Variants in SGCD observed in about 807,000 individuals in gnomAD.
The protein encoded by SGCD is sarcoglycan delta, also known as delta-sarcoglycan.
A neutral mutation model predicts 36.6 loss-of-function variants in SGCD; 18 were observed. That is an observed-to-expected ratio of 0.49 (90% CI 0.34 to 0.73). SGCD has a LOEUF of 0.73. SGCD is among the 30% of genes least tolerant of loss of function. SGCD has a pLI of 0.01. For synonymous variants in SGCD, 133 were observed against 130.6 expected, an observed-to-expected ratio of 1.02 and a Z score of -0.12; for missense variants, 387 against 346.7, an observed-to-expected ratio of 1.12 and a Z score of -0.92.
chr5:156,141,142 G>A (rs1762569686), intron 3 of SGCD, among the ~76,000 whole-genome samples: 2 of 152,222 alleles, frequency 1.3e-5, no homozygotes, highest in Non-Finnish European at 1.5e-5. Flanking sequence ...TGGAGTACAT[G>A]TAAGTGAAGG....
chr5:155,755,186 A>G, the SGCD span, among the ~76,000 whole-genome samples: 1 of 152,326 alleles, frequency 6.6e-6, no homozygotes, highest in South Asian at 2.1e-4. Flanking sequence ...TATTAACTTT[A>G]ATTTACTGAA....
At chr5:156,035,974 T>G (rs992563) in intron 1 of SGCD, among the ~76,000 whole-genome samples, 3 of 152,026 alleles carry the variant, frequency 2.0e-5, no homozygotes, top group Non-Finnish European at 4.4e-5. Context: ...TATCACAGCT[T>G]TATAGTTATA....
upstream of SGCD, among the ~76,000 whole-genome samples, chr5:156,326,417 G>A (rs1767817080): frequency 6.6e-6 from 1 of 152,088 alleles, no homozygotes; most frequent in Non-Finnish European, 1.5e-5. Context: ...TACATTTTTG[G>A]ACCAGCACTG....
At chr5:156,160,713 AT>A (rs141698850) in intron 3 of SGCD, among the ~76,000 whole-genome samples, 5 of 150,566 alleles carry the variant, frequency 3.3e-5, no homozygotes, top group Admixed American at 1.3e-4. Context: ...TAAGTTTCTG[AT>A]TTTTTTTTGC....
intron 3 of SGCD, among the ~76,000 whole-genome samples, chr5:156,416,103 GA>G (rs1773014885): frequency 6.6e-6 from 1 of 152,056 alleles, no homozygotes; most frequent in Admixed American, 6.6e-5. Context: ...AACTATGCTG[GA>G]CAAATGTCTG....
chr5:156,215,213 A>T (rs748085534), intron 3 of SGCD, among the ~76,000 whole-genome samples: 1 of 152,110 alleles, frequency 6.6e-6, no homozygotes, highest in Non-Finnish European at 1.5e-5. Context: ...AGCATTTCAG[A>T]TAAGGGATAT....
At chr5:156,494,377 G>C (rs1261700451) in intron 3 of SGCD, among the ~76,000 whole-genome samples, 1 of 146,782 alleles carries the variant, frequency 6.8e-6, no homozygotes, top group Non-Finnish European at 1.5e-5. Context: ...CACACCTATG[G>C]TTTGAACTTT....
intron 1 of SGCD, among the ~76,000 whole-genome samples, chr5:155,964,980 C>G (rs529062269): frequency 1.3e-5 from 2 of 152,158 alleles, no homozygotes; most frequent in Admixed American, 1.3e-4. Context: ...ATTGTACCAC[C>G]CTTTCTGGCC....
chr5:156,418,201 C>A (rs765523447), intron 3 of SGCD, among the ~76,000 whole-genome samples: 1 of 152,126 alleles, frequency 6.6e-6, no homozygotes, highest in Non-Finnish European at 1.5e-5. Context: ...CCAAACTGGT[C>A]ATGGATGTGA....
At chr5:156,233,005 T>C (rs116602921) in intron 3 of SGCD, among the ~76,000 whole-genome samples, 1,596 of 152,328 alleles carry the variant, frequency 0.01, 18 homozygotes, top group Non-Finnish European at 0.017. Context: ...GCAGACTGGC[T>C]GAGAGGAGTT....
chr5:155,867,978 C>G (rs1404740534), upstream of SGCD, among the ~76,000 whole-genome samples: 1 of 152,260 alleles, frequency 6.6e-6, no homozygotes, highest in Non-Finnish European at 1.5e-5. Flanking sequence ...CTTAGGGAAA[C>G]CAAGGAGTGG....
chr5:156,678,408 G>A (rs560978302), intron 7 of SGCD, among the ~76,000 whole-genome samples: 2 of 152,258 alleles, frequency 1.3e-5, no homozygotes, highest in South Asian at 2.1e-4. Context: ...GTTTACAGTT[G>A]ACCTTATAAC....
intron 2 of SGCD, among the ~76,000 whole-genome samples, chr5:156,334,647 T>C (rs369038226): frequency 2.0e-5 from 2 of 101,050 alleles, no homozygotes; most frequent in East Asian, 5.5e-4. Context: ...TTTTAGGAGG[T>C]GGGACTTTTC....
At chr5:155,998,296 T>A (rs1485960999) in intron 1 of SGCD, among the ~76,000 whole-genome samples, 2 of 152,204 alleles carry the variant, frequency 1.3e-5, no homozygotes, top group African/African-American at 4.8e-5. Context: ...TGATCTGGTA[T>A]GACACATCTT....
intron 4 of SGCD, among the ~76,000 whole-genome samples, chr5:156,537,182 A>G (rs1432026337): frequency 2.0e-5 from 3 of 152,158 alleles, no homozygotes; most frequent in Non-Finnish European, 1.5e-5. Context: ...CTTGTCTCCC[A>G]GTAGTCCCCT....
At position 156,027,022 on chromosome 5, in the gene SGCD, G is replaced by A. The variant is rs190013897; in HGVS notation, c.-281-90856G>A. ...GTCTATAGGTGATAGTTTGCAGACT[G>A]TTAGCTTAATCCACAATCCCTGAGT... On this transcript the variant is annotated intron_variant, in intron 1 of 9. Coordinates refer to the SGCD transcript ENST00000517913. Among the ~76,000 whole-genome samples, 10 of 152,294 alleles carry A rather than the reference G, an allele frequency of 6.6e-5. No homozygotes were observed. The East Asian group carries it at 1.7e-3, about 26-fold the overall frequency.
In SGCD at chr5:156,619,556, A is replaced by G. The variant is rs183437673; in HGVS notation, c.502+24505A>G. 1.1e-4 allele frequency among the ~76,000 whole-genome samples: 17 copies of G among 152,308 alleles called. No homozygotes were observed. The East Asian group carries it at 3.3e-3, about 29-fold the overall frequency. On this transcript the variant is annotated intron_variant, in intron 6 of 8. Transcript: ENST00000337851. ...GCATCTTCAATGTCAAGATCTAGCTATATTGTCTCCTTTCCTATTAATTAT... is the reference window on the plus strand; with the variant it reads ...GCATCTTCAATGTCAAGATCTAGCTGTATTGTCTCCTTTCCTATTAATTAT...
chr5:155,992,798 T>C (rs1013127434), intron 1 of SGCD, among the ~76,000 whole-genome samples: 2 of 152,212 alleles, frequency 1.3e-5, no homozygotes, highest in African/African-American at 4.8e-5. Flanking sequence ...ACTTGATGGC[T>C]GGAATCATCT....
At chr5:156,054,287 T>C (rs1416237684) in intron 1 of SGCD, among the ~76,000 whole-genome samples, 1 of 127,714 alleles carries the variant, frequency 7.8e-6, no homozygotes, top group Non-Finnish European at 1.8e-5. Flanking sequence ...TTTCCTTCTT[T>C]TTTTTTTTTT....
Sources: allele counts gnomAD v4.1 joint callset (sites outside exome capture counted in the v4.1 genomes callset), GRCh38; gene constraint gnomAD v4.1.1; transcripts MANE v1.5; gene names NCBI Gene and HGNC (gene_info 2026-07-23, HGNC 2026-07-21).